FOXP2: variants seen among roughly 807,000 people sequenced by gnomAD.
FOXP2 encodes the protein forkhead box protein P2.
FOXP2 carries 12 observed loss-of-function variants against 115.8 expected under a neutral mutation model. That is an observed-to-expected ratio of 0.10 (90% CI 0.07 to 0.17). FOXP2 has a LOEUF of 0.17. FOXP2 is among the 10% of genes least tolerant of loss of function. The probability of loss-of-function intolerance (pLI) is 1.00; values close to 1 mark genes in which losing one functional copy is unlikely to be tolerated. For missense variants in FOXP2, 629 were observed against 843.5 expected (o/e 0.75, Z 3.15); for synonymous variants, 328 against 297.7 (o/e 1.10, Z -1.05).
At chr7:114,199,074 G>A (rs1222825085) in intron 1 of FOXP2, among the ~76,000 whole-genome samples, 4 of 152,176 alleles carry the variant, frequency 2.6e-5, no homozygotes, top group African/African-American at 9.7e-5. Context: ...AGTGAGTGCA[G>A]TGGGGTGATC....
intron 2 of FOXP2, among the ~76,000 whole-genome samples, chr7:114,488,851 A>G (rs985245025): frequency 3.9e-5 from 6 of 152,208 alleles, no homozygotes; most frequent in African/African-American, 1.2e-4. Context: ...TTATATTACT[A>G]AATAACTTCT....
At chr7:114,326,299 A>G (rs1562871854) in intron 2 of FOXP2, among the ~76,000 whole-genome samples, 2 of 152,138 alleles carry the variant, frequency 1.3e-5, no homozygotes, top group Admixed American at 6.5e-5. Context: ...TAGCTGGATT[A>G]TCTAAGGAGA....
At chr7:114,574,783 G>C (rs1801491983) in intron 3 of FOXP2, among the ~76,000 whole-genome samples, 1 of 151,850 alleles carries the variant, frequency 6.6e-6, no homozygotes, top group Admixed American at 6.6e-5. Flanking sequence ...CTTTGTCTTT[G>C]GCTCTTATTT....
intron 16 of FOXP2, among the ~76,000 whole-genome samples, chr7:114,675,309 T>C (rs1680737642): frequency 6.6e-6 from 1 of 152,136 alleles, no homozygotes; most frequent in Non-Finnish European, 1.5e-5. Flanking sequence ...TGTGAAACTT[T>C]GTCTTTGAAA....
At chr7:114,564,131 C>G (rs945042800) in intron 3 of FOXP2, among the ~76,000 whole-genome samples, 1 of 152,162 alleles carries the variant, frequency 6.6e-6, no homozygotes, top group Non-Finnish European at 1.5e-5. Flanking sequence ...TCTTCGTAGT[C>G]CTAATCTTTC....
intron 3 of FOXP2, among the ~76,000 whole-genome samples, chr7:114,593,662 C>G (rs974188031): frequency 3.3e-5 from 5 of 151,904 alleles, no homozygotes; most frequent in East Asian, 1.9e-4. Flanking sequence ...CCAAATTTAC[C>G]TGGCCCCAGA....
chr7:114,580,375 C>T (rs551052428), intron 3 of FOXP2, among the ~76,000 whole-genome samples: 6 of 152,174 alleles, frequency 3.9e-5, no homozygotes, highest in South Asian at 2.1e-4. Flanking sequence ...GTCAGGAGTT[C>T]GAGACCAGCC....
chr7:114,318,119 T>C (rs1042137695), intron 2 of FOXP2, among the ~76,000 whole-genome samples: 5 of 152,244 alleles, frequency 3.3e-5, no homozygotes, highest in Non-Finnish European at 5.9e-5. Flanking sequence ...GAAAAAATTC[T>C]AATTTTTCTC....
At chr7:114,108,880 T>C (rs1042224730) in intron 1 of FOXP2, among the ~76,000 whole-genome samples, 1 of 151,960 alleles carries the variant, frequency 6.6e-6, no homozygotes, top group Non-Finnish European at 1.5e-5. Flanking sequence ...CTAGGTTACA[T>C]AGAATGATGA....
intron 1 of FOXP2, among the ~76,000 whole-genome samples, chr7:114,169,987 T>G (rs1287150891): frequency 1.3e-5 from 2 of 152,180 alleles, no homozygotes; most frequent in African/African-American, 4.8e-5. Context: ...CATGTGAAAC[T>G]ATAAGTCCAT....
chr7:114,284,201 C>A (rs1212741248), intron 1 of FOXP2, among the ~76,000 whole-genome samples: 1 of 151,940 alleles, frequency 6.6e-6, no homozygotes, highest in South Asian at 2.1e-4. Flanking sequence ...TCCTTTCACT[C>A]AGGCAGAGTT....
In FOXP2 at chr7:114,415,319, G is replaced by T. The variant is rs1283612662; in HGVS notation, c.-52G>T. The T allele has an allele frequency of 2.2e-6, 1 of 452,814 alleles. No homozygotes were observed. The highest frequency in any genetic ancestry group is 4.4e-6 in the Non-Finnish European group (1 of 226,480). 28.0% of individuals were successfully genotyped at this position (452,814 alleles called of 1,614,324 possible). On this transcript the variant is annotated 5_prime_UTR_variant, in exon 1 of 17. An upstream start codon of the reference 5' UTR is lost. Transcript: ENST00000350908. ...TTTCATCTCTTTAACAAACTCCTAT[G>T]AAGTTGAAACCGGGAAGTTTGCTCT...
chr7:114,594,161 C>A (rs1802580985), intron 3 of FOXP2, among the ~76,000 whole-genome samples: 1 of 152,012 alleles, frequency 6.6e-6, no homozygotes, highest in Non-Finnish European at 1.5e-5. Flanking sequence ...CTCTAATAAT[C>A]CATTTGATTA....
In FOXP2 at chr7:114,442,185, T is replaced by C. The variant is rs150023010; in HGVS notation, c.168+15506T>C. ...TGAAGCACTGATATATGCCACAATA[T>C]ACATGAACTTTAAAAACATTTTGCT... On this transcript the variant is annotated intron_variant, in intron 2 of 16. Transcript: ENST00000350908. 4.0e-3 allele frequency among the ~76,000 whole-genome samples: 602 copies of C among 152,288 alleles called. 3 individuals carry two copies. The highest frequency in any genetic ancestry group is 0.018 in the South Asian group (87 of 4,826).
chr7:114,582,719 T>C (rs1034690286), intron 3 of FOXP2, among the ~76,000 whole-genome samples: 2 of 152,172 alleles, frequency 1.3e-5, no homozygotes, highest in African/African-American at 4.8e-5. Context: ...TGGTAATTAA[T>C]AAAATAAAGC....
At chr7:114,480,616 C>A (rs1407436704) in intron 2 of FOXP2, among the ~76,000 whole-genome samples, 2 of 149,286 alleles carry the variant, frequency 1.3e-5, no homozygotes, top group African/African-American at 2.5e-5. Flanking sequence ...CATATATAAA[C>A]ATATATACAT....
At chr7:114,277,751 A>G (rs368312845) in intron 1 of FOXP2, among the ~76,000 whole-genome samples, 18 of 152,190 alleles carry the variant, frequency 1.2e-4, no homozygotes, top group African/African-American at 4.1e-4. Context: ...AGAAGTAACT[A>G]TTATTTGATT....
At chr7:114,434,556 T>C (rs1794256744) in intron 2 of FOXP2, among the ~76,000 whole-genome samples, 1 of 151,762 alleles carries the variant, frequency 6.6e-6, no homozygotes, top group Non-Finnish European at 1.5e-5. Flanking sequence ...GATATATAAA[T>C]ACAATTATTG....
chr7:114,657,945 T>C lies in FOXP2; in HGVS notation c.1267-121T>C, dbSNP rs150083699. The C allele has an allele frequency of 4.6e-4, 473 of 1,029,560 alleles. 1 individual carries two copies. In the African/African-American group the frequency reaches 5.4e-3, roughly 12 times the overall value. The allele number at this position is 1,029,560 out of a possible 1,614,324, so 63.8% of individuals were successfully genotyped here. On this transcript the variant is annotated intron_variant, in intron 10 of 16. Transcript: ENST00000350908. ...TAATTAGTTGAGATTGGCTGCTTCC[T>C]TTTGCAGCTTATTAGTGGCAACACA...
Sources: allele counts gnomAD v4.1 joint callset (sites outside exome capture counted in the v4.1 genomes callset), GRCh38; gene constraint gnomAD v4.1.1; transcripts MANE v1.5; gene names NCBI Gene and HGNC (gene_info 2026-07-23, HGNC 2026-07-21).